The following CSMD1 variants were observed in gnomAD, a reference collection of about 807,000 sequenced individuals.
CSMD1 encodes CUB and sushi domain-containing protein 1.
CSMD1 carries 213 observed loss-of-function variants against 417.5 expected under a neutral mutation model. That is an observed-to-expected ratio of 0.51 (90% CI 0.46 to 0.57). The LOEUF (loss-of-function observed/expected upper bound fraction) is 0.57. Ranked by LOEUF, CSMD1 falls within the 20% of genes least tolerant of loss-of-function variation. The pLI, the probability that CSMD1 is intolerant of heterozygous loss-of-function variation, is 0.00. For synonymous variants in CSMD1, 2,862 were observed against 1,736.8 expected, an observed-to-expected ratio of 1.65 and a Z score of -16.11; for missense variants, 6,923 against 4,529.7, an observed-to-expected ratio of 1.53 and a Z score of -15.17.
intron 1 of CSMD1, among the ~76,000 whole-genome samples, chr8:4,710,960 G>A (rs1043838811): frequency 2.0e-5 from 3 of 152,068 alleles, no homozygotes; most frequent in East Asian, 1.9e-4. Flanking sequence ...TGAGACAAAT[G>A]ATGGTGCTCT....
At chr8:4,713,134 G>C (rs1018651635) in intron 1 of CSMD1, among the ~76,000 whole-genome samples, 11 of 152,128 alleles carry the variant, frequency 7.2e-5, no homozygotes, top group Admixed American at 2.0e-4. Flanking sequence ...TTGCCACTAG[G>C]ACCTCTATTA....
intron 25 of CSMD1, among the ~76,000 whole-genome samples, chr8:3,285,950 A>G (rs369818926): frequency 4.6e-5 from 7 of 152,106 alleles, no homozygotes; most frequent in East Asian, 3.9e-4. Flanking sequence ...ACCATTTAAC[A>G]TTAGATAAAT....
intron 3 of CSMD1, among the ~76,000 whole-genome samples, chr8:4,271,644 G>T (rs983402287): frequency 1.3e-5 from 2 of 151,740 alleles, no homozygotes; most frequent in South Asian, 4.2e-4. Flanking sequence ...GAAAGGAAAA[G>T]AAAAGAAATG....
At chr8:4,708,722 G>C (rs532671739) in intron 1 of CSMD1, among the ~76,000 whole-genome samples, 27 of 151,858 alleles carry the variant, frequency 1.8e-4, no homozygotes, top group African/African-American at 6.3e-4. Context: ...GTGGAATTGT[G>C]ACCCCCTAAA....
At chr8:3,976,159 C>A (rs1286907099) in intron 5 of CSMD1, among the ~76,000 whole-genome samples, 1 of 151,744 alleles carries the variant, frequency 6.6e-6, no homozygotes, top group Non-Finnish European at 1.5e-5. Flanking sequence ...AATGCATAAC[C>A]TAAGGTTTCA....
intron 5 of CSMD1, among the ~76,000 whole-genome samples, chr8:3,792,538 T>C (rs1454822457): frequency 1.3e-5 from 2 of 152,182 alleles, no homozygotes; most frequent in African/African-American, 2.4e-5. Flanking sequence ...ATTGATTTAT[T>C]TTTCAGACTA....
chr8:3,122,023 A>G (rs1005051609), intron 41 of CSMD1, among the ~76,000 whole-genome samples: 4 of 152,102 alleles, frequency 2.6e-5, no homozygotes, highest in Non-Finnish European at 5.9e-5. Context: ...CATTACTTTC[A>G]ATGGCAAAAA....
chr8:4,780,650 A>T (rs1348395902), intron 1 of CSMD1, among the ~76,000 whole-genome samples: 2 of 152,110 alleles, frequency 1.3e-5, no homozygotes, highest in Non-Finnish European at 2.9e-5. Context: ...GATTTGTGAG[A>T]TCCTGGTGCA....
intron 26 of CSMD1, among the ~76,000 whole-genome samples, chr8:3,257,223 C>T (rs1040654998): frequency 2.6e-5 from 4 of 152,182 alleles, no homozygotes; most frequent in Admixed American, 6.5e-5. Flanking sequence ...ACTCAGGAGG[C>T]TGAGGCAGGA....
At chr8:4,553,253 G>T (rs1056337241) in intron 2 of CSMD1, among the ~76,000 whole-genome samples, 13 of 152,160 alleles carry the variant, frequency 8.5e-5, no homozygotes, top group Admixed American at 7.9e-4. Flanking sequence ...CATCATAAAT[G>T]TAACAGTTCC....
intron 10 of CSMD1, among the ~76,000 whole-genome samples, chr8:3,523,589 A>T (rs1423805875): frequency 6.6e-6 from 1 of 152,246 alleles, no homozygotes; most frequent in East Asian, 1.9e-4. Context: ...ACACACAGAC[A>T]TATGCACACA....
At chr8:4,722,499 T>G (rs1270049264) in intron 1 of CSMD1, among the ~76,000 whole-genome samples, 1 of 152,076 alleles carries the variant, frequency 6.6e-6, no homozygotes, top group Non-Finnish European at 1.5e-5. Flanking sequence ...CCATTAGGAC[T>G]TGGGAGGATT....
chr8:4,427,363 G>T (rs77654604), intron 2 of CSMD1, among the ~76,000 whole-genome samples: 2 of 152,088 alleles, frequency 1.3e-5, no homozygotes, highest in East Asian at 1.9e-4. Context: ...ACGGCAGAGG[G>T]TGATCTGGAA....
At chr8:3,978,712 C>A (rs547986706) in intron 5 of CSMD1, among the ~76,000 whole-genome samples, 5 of 152,208 alleles carry the variant, frequency 3.3e-5, no homozygotes, top group African/African-American at 1.2e-4. Context: ...ATTGAGCACT[C>A]TGATATTGAT....
At chr8:4,725,551 C>A (rs1809376137) in intron 1 of CSMD1, among the ~76,000 whole-genome samples, 9 of 152,142 alleles carry the variant, frequency 5.9e-5, no homozygotes, top group Admixed American at 5.9e-4. Flanking sequence ...CAGGATATTT[C>A]TAGTTTTGAG....
At chr8:3,055,273 C>T (rs1313192503) in intron 49 of CSMD1, among the ~76,000 whole-genome samples, 4 of 152,182 alleles carry the variant, frequency 2.6e-5, no homozygotes, top group Non-Finnish European at 5.9e-5. Flanking sequence ...TGAACCCCTG[C>T]TTGCCCAGGT....
At chr8:4,992,497 T>C (rs751816544) in intron 1 of CSMD1, among the ~76,000 whole-genome samples, 1 of 151,920 alleles carries the variant, frequency 6.6e-6, no homozygotes, top group Non-Finnish European at 1.5e-5. Flanking sequence ...GGGCGGGAAG[T>C]TTTGCGGAGT....
intron 2 of CSMD1, among the ~76,000 whole-genome samples, chr8:4,429,334 A>C (rs138334802): frequency 7.2e-4 from 110 of 152,190 alleles, no homozygotes; most frequent in African/African-American, 2.2e-3. Flanking sequence ...TTACATGTGT[A>C]TATGTGTGTA....
intron 2 of CSMD1, among the ~76,000 whole-genome samples, chr8:4,513,399 A>T (rs1802934229): frequency 6.6e-6 from 1 of 152,188 alleles, no homozygotes; most frequent in South Asian, 2.1e-4. Context: ...CTCAAGTAGC[A>T]CCTGTAAAAT....
Sources: allele counts gnomAD v4.1 joint callset (sites outside exome capture counted in the v4.1 genomes callset), GRCh38; gene constraint gnomAD v4.1.1; transcripts MANE v1.5; gene names NCBI Gene and HGNC (gene_info 2026-07-23, HGNC 2026-07-21).